C11orf65: variants seen among roughly 807,000 people sequenced by gnomAD.
C11orf65 encodes protein MFI.
Under a neutral mutation model 35.3 loss-of-function variants are expected in C11orf65, and 38 were observed. The ratio of observed to expected loss-of-function variants is 1.08; its 90% CI spans 0.83 to 1.41. The LOEUF (loss-of-function observed/expected upper bound fraction) is 1.41, where lower values mean the gene tolerates loss of function less well. C11orf65 is among the 40% of genes most tolerant of loss of function. The pLI, the probability that C11orf65 is intolerant of heterozygous loss-of-function variation, is 0.00. For missense variants in C11orf65, 370 were observed against 367.1 expected, an observed-to-expected ratio of 1.01 and a Z score of -0.06; for synonymous variants, 105 against 114.4, an observed-to-expected ratio of 0.92 and a Z score of 0.53.
At chr11:108,373,899 A>C (rs1299534196) in intron 2 of C11orf65, among the ~76,000 whole-genome samples, 1 of 152,184 alleles carries the variant, frequency 6.6e-6, no homozygotes, top group Non-Finnish European at 1.5e-5. Context: ...GGAGGGTCCT[A>C]CGCCCACGGA....
chr11:108,393,413 T>C, intron 6 of C11orf65, 35 bp from the exon 7 acceptor site: 1 of 1,574,362 alleles, frequency 6.4e-7, no homozygotes, highest in Non-Finnish European at 8.7e-7. Flanking sequence ...AGTAAATCTT[T>C]TGAAATAGGA....
At chr11:108,466,974 C>A (rs2093547839) in intron 1 of C11orf65, among the ~76,000 whole-genome samples, 1 of 93,374 alleles carries the variant, frequency 1.1e-5, no homozygotes. Context: ...ATGCTAGGGG[C>A]AGGAGAAGAA....
At position 108,406,806 on chromosome 11, in the gene C11orf65, T is replaced by C. The variant is rs756575429; in HGVS notation, c.386A>G (p.Tyr129Cys). ...CCAGCCATTGTTTTCTATACGATGA[T>C]ACCAGCCACTATGATCCTCTTCCTG... ...HLQEEDHSGW[Y>C]HRIENNGWRP... The change falls in exon 5 of 9, where the codon TAT (tyrosine) becomes TGT (cysteine). Residue 129 changes from tyrosine (Y) to cysteine (C), a missense_variant. Physicochemically the swap from Tyr to Cys is radical, Grantham distance 194 (BLOSUM62 -2). Transcript: ENST00000393084. 1 of 1,612,742 alleles carries C rather than the reference T, an allele frequency of 6.2e-7. No individual in the cohort carries two copies. The highest frequency in any genetic ancestry group is 8.5e-7 in the Non-Finnish European group (1 of 1,179,338).
intron 3 of C11orf65, among the ~76,000 whole-genome samples, chr11:108,426,068 T>C (rs926376356): frequency 1.3e-5 from 2 of 152,174 alleles, no homozygotes; most frequent in Non-Finnish European, 2.9e-5. Context: ...GCTGGATGCA[T>C]TCCCTTTGAA....
intron 2 of C11orf65, among the ~76,000 whole-genome samples, chr11:108,452,856 T>C (rs1476856810): frequency 6.6e-6 from 1 of 151,648 alleles, no homozygotes; most frequent in Non-Finnish European, 1.5e-5. Context: ...CGTAGGGACA[T>C]GGATGAAGCT....
chr11:108,317,757 A>G (rs2084874579), intron 6 of C11orf65, among the ~76,000 whole-genome samples: 1 of 150,602 alleles, frequency 6.6e-6, no homozygotes, highest in South Asian at 2.1e-4. Context: ...TGCAAGCTAT[A>G]GATAGCCCTA....
At chr11:108,403,846 G>A (rs770800772) in intron 6 of C11orf65, among the ~76,000 whole-genome samples, 18 of 152,076 alleles carry the variant, frequency 1.2e-4, no homozygotes, top group Non-Finnish European at 2.5e-4. Context: ...ACGGAGTCTC[G>A]CTCTGTCGCC....
chr11:108,392,200 G>A (rs965644771), intron 7 of C11orf65, among the ~76,000 whole-genome samples: 1 of 151,984 alleles, frequency 6.6e-6, no homozygotes, highest in African/African-American at 2.4e-5. Flanking sequence ...TTATGCACCA[G>A]CAGGCCTGGG....
intron 3 of C11orf65, among the ~76,000 whole-genome samples, chr11:108,423,649 A>T (rs188653908): frequency 6.6e-6 from 1 of 152,274 alleles, no homozygotes; most frequent in East Asian, 1.9e-4. Context: ...CAGACACCTC[A>T]TATAGGAGAG....
chr11:108,397,708 A>T (rs181398745), intron 6 of C11orf65, among the ~76,000 whole-genome samples: 33 of 152,358 alleles, frequency 2.2e-4, no homozygotes, highest in African/African-American at 7.7e-4. Flanking sequence ...AAAGCACACA[A>T]AGTAAAATTT....
At chr11:108,404,225 C>T (rs188692502) in intron 6 of C11orf65, among the ~76,000 whole-genome samples, 199 of 152,304 alleles carry the variant, frequency 1.3e-3, no homozygotes, top group African/African-American at 2.8e-3. Context: ...TTTCCCTTCC[C>T]CTCTGTACTG....
intron 6 of C11orf65, among the ~76,000 whole-genome samples, chr11:108,401,915 A>G (rs2092446737): frequency 6.6e-6 from 1 of 152,254 alleles, no homozygotes; most frequent in Non-Finnish European, 1.5e-5. Context: ...CCAAAGCATT[A>G]AATCCACAAT....
intron 2 of C11orf65, among the ~76,000 whole-genome samples, chr11:108,441,329 G>A (rs964787576): frequency 4.6e-5 from 7 of 152,338 alleles, no homozygotes; most frequent in East Asian, 1.9e-4. Flanking sequence ...CGGGAAGCTC[G>A]AATTGGGTGG....
At chr11:108,339,075 CTT>C (rs1235359755) in intron 2 of C11orf65, among the ~76,000 whole-genome samples, 1 of 152,160 alleles carries the variant, frequency 6.6e-6, no homozygotes, top group Non-Finnish European at 1.5e-5. Context: ...CCAGATATCT[CTT>C]GTCAGAGAGA....
Position 108,315,935 on chromosome 11 carries a change from C to T in C11orf65, c.641-6864G>A, listed in dbSNP as rs781167910. ...AGGTAAATTGCATTTTTCTAAACAACGGTATAGTAATTCTGTTTATGAAGG... is the reference window on the plus strand; with the variant it reads ...AGGTAAATTGCATTTTTCTAAACAATGGTATAGTAATTCTGTTTATGAAGG... On this transcript the variant is annotated intron_variant, in intron 6 of 6. Transcript: ENST00000525729. 2.4e-5 allele frequency: 38 copies of T among 1,605,936 alleles called. No homozygotes were observed. Among genetic ancestry groups the T allele is most frequent in the South Asian group, 1.4e-4 (13 of 90,902 alleles).
chr11:108,343,727 C>A (rs555753995), intron 2 of C11orf65, among the ~76,000 whole-genome samples: 1 of 152,154 alleles, frequency 6.6e-6, no homozygotes, highest in Admixed American at 6.5e-5. Flanking sequence ...CTGGGGGATC[C>A]CTTGAACCCA....
chr11:108,308,931 G>T, exon 7 of C11orf65: 1 of 1,228,700 alleles, frequency 8.1e-7, no homozygotes, highest in Non-Finnish European at 1.2e-6. Flanking sequence ...TTTTCTTGGT[G>T]TTGGGAGGCA....
At chr11:108,361,294 AAG>A (rs2137677607) in intron 2 of C11orf65, among the ~76,000 whole-genome samples, 2 of 131,566 alleles carry the variant, frequency 1.5e-5, no homozygotes, top group South Asian at 2.8e-4. Flanking sequence ...AAGGAAATAA[AAG>A]AGGATACAAA....
intron 3 of C11orf65, chr11:108,333,915 A>C: frequency 6.2e-7 from 1 of 1,611,346 alleles, no homozygotes; most frequent in Non-Finnish European, 8.5e-7. Flanking sequence ...AGACCAGCCA[A>C]TTACTAAACT....
Sources: allele counts gnomAD v4.1 joint callset (sites outside exome capture counted in the v4.1 genomes callset), GRCh38; gene constraint gnomAD v4.1.1; transcripts MANE v1.5; gene names NCBI Gene and HGNC (gene_info 2026-07-23, HGNC 2026-07-21).